Variants in HCN1 observed in about 807,000 individuals in gnomAD.
HCN1 encodes the protein potassium/sodium hyperpolarization-activated cyclic nucleotide-gated channel 1.
In HCN1, 13 loss-of-function variants were observed where a neutral mutation model predicts 78.9. The observed-to-expected ratio is 0.16, with a 90% CI of 0.11 to 0.26. The LOEUF is 0.26. Among genes scored for constraint, HCN1 ranks in the 10% least tolerant of loss-of-function variants. The pLI is 1.00. For synonymous variants in HCN1, 552 were observed against 455.5 expected (o/e 1.21, Z -2.70); for missense variants, 810 against 1,154.3 (o/e 0.70, Z 4.32).
chr5:45,268,632 G>C (rs1744904692), intron 6 of HCN1, among the ~76,000 whole-genome samples: 1 of 152,140 alleles, frequency 6.6e-6, no homozygotes, highest in African/African-American at 2.4e-5. Flanking sequence ...AGAAGGACAC[G>C]TGAACCAGTC....
intron 1 of HCN1, among the ~76,000 whole-genome samples, chr5:45,689,979 G>A (rs1739875746): frequency 6.6e-6 from 1 of 151,958 alleles, no homozygotes; most frequent in Non-Finnish European, 1.5e-5. Context: ...AGTATTAATT[G>A]GTCAAATCAA....
intron 2 of HCN1, among the ~76,000 whole-genome samples, chr5:45,506,558 A>G (rs1470716787): frequency 6.6e-6 from 1 of 152,120 alleles, no homozygotes; most frequent in Non-Finnish European, 1.5e-5. Flanking sequence ...CTGGGTTACA[A>G]AATAAAAATA....
At chr5:45,567,117 AAAG>A (rs1743723786) in intron 2 of HCN1, among the ~76,000 whole-genome samples, 1 of 152,180 alleles carries the variant, frequency 6.6e-6, no homozygotes, top group Non-Finnish European at 1.5e-5. Flanking sequence ...ATAATATACA[AAAG>A]AAGTAAGACA....
intron 2 of HCN1, among the ~76,000 whole-genome samples, chr5:45,538,045 AAC>A (rs1491532739): frequency 6.6e-6 from 1 of 150,962 alleles, no homozygotes; most frequent in African/African-American, 2.4e-5. Flanking sequence ...AAAAAAAAAA[AAC>A]AAATCTGCAT....
intron 2 of HCN1, among the ~76,000 whole-genome samples, chr5:45,492,569 G>A (rs1439115579): frequency 7.4e-6 from 1 of 134,510 alleles, no homozygotes; most frequent in Non-Finnish European, 1.5e-5. Context: ...CGCCCAGGCT[G>A]GCACTCACTG....
At chr5:45,302,769 G>T (rs1745654113) in intron 6 of HCN1, among the ~76,000 whole-genome samples, 1 of 151,900 alleles carries the variant, frequency 6.6e-6, no homozygotes, top group African/African-American at 2.4e-5. Context: ...AATCATGGGG[G>T]CTGGTCTTTC....
At chr5:45,653,505 G>C (rs1196178614) in intron 1 of HCN1, among the ~76,000 whole-genome samples, 1 of 151,890 alleles carries the variant, frequency 6.6e-6, no homozygotes, top group African/African-American at 2.4e-5. Flanking sequence ...TACTTAAATT[G>C]CCTAGCAAAT....
At chr5:45,590,139 T>C (rs1337907219) in intron 2 of HCN1, among the ~76,000 whole-genome samples, 1 of 152,216 alleles carries the variant, frequency 6.6e-6, no homozygotes, top group Non-Finnish European at 1.5e-5. Flanking sequence ...GTTTCAGTTA[T>C]ATTCTAAATG....
intron 2 of HCN1, among the ~76,000 whole-genome samples, chr5:45,524,512 T>C (rs1742687557): frequency 6.6e-6 from 1 of 152,192 alleles, no homozygotes; most frequent in South Asian, 2.1e-4. Flanking sequence ...GTTCTTCCAT[T>C]TGTATCCTCT....
At chr5:45,458,868 AGTAAGT>A (rs1197552669) in intron 3 of HCN1, among the ~76,000 whole-genome samples, 4 of 152,242 alleles carry the variant, frequency 2.6e-5, no homozygotes, top group Non-Finnish European at 4.4e-5. Context: ...TTTTGTATAT[AGTAAGT>A]GTATTAAATA....
intron 2 of HCN1, among the ~76,000 whole-genome samples, chr5:45,516,055 A>G (rs763751975): frequency 1.8e-4 from 28 of 151,896 alleles, no homozygotes; most frequent in Non-Finnish European, 3.7e-4. Context: ...TCCCAGCCCT[A>G]TTCTTATTTT....
chr5:45,608,467 A>G (rs1236146583), intron 2 of HCN1, among the ~76,000 whole-genome samples: 1 of 151,718 alleles, frequency 6.6e-6, no homozygotes, highest in Non-Finnish European at 1.5e-5. Context: ...ATAGTTCTAA[A>G]TGAGAGGAAT....
chr5:45,659,569 G>T (rs972152584), intron 1 of HCN1, among the ~76,000 whole-genome samples: 1 of 146,668 alleles, frequency 6.8e-6, no homozygotes, highest in Non-Finnish European at 1.5e-5. Flanking sequence ...AAAATTAGAA[G>T]AATGTAAAAC....
At chr5:45,504,088 AT>A (rs1304503230) in intron 2 of HCN1, among the ~76,000 whole-genome samples, 1 of 151,944 alleles carries the variant, frequency 6.6e-6, no homozygotes, top group Non-Finnish European at 1.5e-5. Flanking sequence ...CCAGGACCAC[AT>A]TTTATTATTA....
rs1491154110 is a variant in HCN1 at position 45,372,121 on chromosome 5, ATT to A, written c.1231-18877_1231-18876del. Among the ~76,000 whole-genome samples, 109 of 55,872 alleles carry A rather than the reference ATT, an allele frequency of 2.0e-3. 1 individual carries two copies. Among genetic ancestry groups the A allele is most frequent in the Non-Finnish European group, 2.5e-3 (94 of 36,920 alleles). 36.7% of individuals were successfully genotyped at this position (55,872 alleles called of 152,430 possible). A position where few individuals can be genotyped will look rare whatever the true frequency, so the allele number is the denominator to read the frequency against. On this transcript the variant is annotated intron_variant, in intron 4 of 7. Transcript: ENST00000303230. ...TATTTTATATATAATATAATTATAT[ATT>A]ATATATATAATATAATAATATATTA...
chr5:45,349,049 C>A (rs533751735), intron 5 of HCN1, among the ~76,000 whole-genome samples: 1 of 152,188 alleles, frequency 6.6e-6, no homozygotes. Context: ...GAACTCTCCA[C>A]CCCAAATCAA....
At chr5:45,427,640 C>T (rs1185230925) in intron 3 of HCN1, among the ~76,000 whole-genome samples, 1 of 151,932 alleles carries the variant, frequency 6.6e-6, no homozygotes, top group Non-Finnish European at 1.5e-5. Context: ...TTACATTGAT[C>T]AATAATTAGT....
chr5:45,367,683 C>T lies in HCN1; in HGVS notation c.1231-14437G>A, dbSNP rs535809967. Among the ~76,000 whole-genome samples the T allele has an allele frequency of 1.3e-4, 19 of 151,970 alleles. No homozygotes were observed. The East Asian group carries it at 1.9e-3, about 15-fold the overall frequency. The stretch of plus-strand genomic sequence containing the variant: ...TGGCTTTTCAGAACCAGGTCACCAT[C>T]GTAACTTCCAAATAAGTTTCCTGAA... On this transcript the variant is annotated intron_variant, in intron 4 of 7. Coordinates refer to ENST00000303230, the MANE Select transcript of HCN1 (RefSeq NM_021072.4).
In HCN1 at chr5:45,300,078, C is replaced by G. The variant is rs969389131; in HGVS notation, c.1618+3521G>C. ...TCCAGTCTTTGTATAAAACCTTAGT[C>G]ATATTACCAAATTAACTGTAAGGTA... On this transcript the variant is annotated intron_variant, in intron 6 of 7. Transcript: ENST00000303230. Among the ~76,000 whole-genome samples, 5 of 152,022 alleles carry G rather than the reference C, an allele frequency of 3.3e-5. No individual in the cohort carries two copies. In the East Asian group the frequency reaches 9.7e-4, roughly 29 times the overall value.
Sources: allele counts gnomAD v4.1 joint callset (sites outside exome capture counted in the v4.1 genomes callset), GRCh38; gene constraint gnomAD v4.1.1; transcripts MANE v1.5; gene names NCBI Gene and HGNC (gene_info 2026-07-23, HGNC 2026-07-21).